STK32B: variants seen among roughly 807,000 people sequenced by gnomAD.
STK32B encodes serine/threonine kinase 32B.
In STK32B, 43 loss-of-function variants were observed where a neutral mutation model predicts 52.6. The ratio of observed to expected loss-of-function variants is 0.82; its 90% confidence interval spans 0.64 to 1.05. STK32B has a LOEUF of 1.05. STK32B is among the 50% of genes least tolerant of loss of function. The pLI, the probability that STK32B is intolerant of heterozygous loss-of-function variation, is 0.00. For missense variants in STK32B, 621 were observed against 534.6 expected (o/e 1.16, Z -1.59); for synonymous variants, 238 against 204.3 (o/e 1.17, Z -1.41).
chr4:5,462,380 G>A (rs1020962931), intron 9 of STK32B, among the ~76,000 whole-genome samples: 1 of 148,746 alleles, frequency 6.7e-6, no homozygotes, highest in Non-Finnish European at 1.5e-5. Flanking sequence ...GTGTGTGCCT[G>A]TGCATCTGTG....
At chr4:5,339,637 T>G (rs1379395184) in intron 4 of STK32B, among the ~76,000 whole-genome samples, 1 of 152,162 alleles carries the variant, frequency 6.6e-6, no homozygotes. Context: ...GTAGCCACAC[T>G]CGGAAGTGGA....
At chr4:5,049,150 C>T (rs1438932423), upstream of STK32B, among the ~76,000 whole-genome samples, 1 of 152,108 alleles carries the variant, frequency 6.6e-6, no homozygotes, top group Non-Finnish European at 1.5e-5. Context: ...ATTCCTTGCC[C>T]TTCCAGTCTC....
chr4:5,320,139 A>G (rs985070076), intron 3 of STK32B, among the ~76,000 whole-genome samples: 15 of 151,932 alleles, frequency 9.9e-5, no homozygotes, highest in Admixed American at 9.8e-4. Context: ...CTTTTTTGAT[A>G]GGTCCCTCCC....
chr4:5,284,345 A>T (rs1020671172), intron 3 of STK32B, among the ~76,000 whole-genome samples: 5 of 152,170 alleles, frequency 3.3e-5, no homozygotes, highest in African/African-American at 7.2e-5. Context: ...GTAAACTTTA[A>T]CTCTAAAAAC....
rs1742074372 is a variant in STK32B at position 5,058,046 on chromosome 4, A to G, written c.52+6131A>G. ...AAGATGGATGTCAACGTTGTTAGCAATCCTGGAGTCTTCTTCTTCTCAGTC... is the reference window on the plus strand; with the variant it reads ...AAGATGGATGTCAACGTTGTTAGCAGTCCTGGAGTCTTCTTCTTCTCAGTC... On this transcript the variant is annotated intron_variant, in intron 1 of 11. Coordinates refer to ENST00000282908, the MANE Select transcript of STK32B (RefSeq NM_018401.3). The surrounding 1 kb of genome is among the most constrained non-coding windows in gnomAD (Gnocchi z 4.8). Among the ~76,000 whole-genome samples the G allele has an allele frequency of 6.6e-6, 1 of 152,200 alleles. No individual in the cohort carries two copies. The highest frequency in any genetic ancestry group is 1.5e-5 in the Non-Finnish European group (1 of 68,032).
At chr4:5,287,852 A>G (rs905216630) in intron 3 of STK32B, among the ~76,000 whole-genome samples, 1 of 152,156 alleles carries the variant, frequency 6.6e-6, no homozygotes, top group South Asian at 2.1e-4. Flanking sequence ...TGCAATCATT[A>G]CCACTAACTT....
At chr4:5,211,567 A>G (rs1318364501) in intron 3 of STK32B, among the ~76,000 whole-genome samples, 2 of 152,152 alleles carry the variant, frequency 1.3e-5, no homozygotes, top group African/African-American at 2.4e-5. Context: ...CCAGGGAGGT[A>G]GGACTAGGGG....
At chr4:5,256,760 A>C (rs533881122) in intron 3 of STK32B, among the ~76,000 whole-genome samples, 2 of 152,222 alleles carry the variant, frequency 1.3e-5, no homozygotes, top group Non-Finnish European at 2.9e-5. Flanking sequence ...CTCTGGGCAC[A>C]AGATGGACTA....
intron 7 of STK32B, among the ~76,000 whole-genome samples, chr4:5,451,143 G>A (rs552482049): frequency 1.7e-4 from 26 of 152,334 alleles, no homozygotes; most frequent in African/African-American, 5.8e-4. Context: ...GCGGATTATT[G>A]TGCAAATAAG....
intron 4 of STK32B, among the ~76,000 whole-genome samples, chr4:5,337,884 G>A (rs1431782851): frequency 1.3e-5 from 2 of 152,156 alleles, no homozygotes; most frequent in Non-Finnish European, 2.9e-5. Context: ...ACTCTATTGA[G>A]AAACTGGGGA....
intron 3 of STK32B, among the ~76,000 whole-genome samples, chr4:5,322,374 A>G (rs1731564332): frequency 1.3e-5 from 2 of 152,164 alleles, no homozygotes; most frequent in Admixed American, 6.6e-5. Context: ...AGAGGTGAGC[A>G]TAGTGAGTGA....
At position 5,467,935 on chromosome 4, in the gene STK32B, G is replaced by C. The variant is rs2109168504; in HGVS notation, c.1042-71G>C. 7.7e-6 allele frequency: 12 copies of C among 1,564,812 alleles called. No homozygotes were observed. The highest frequency in any genetic ancestry group is 8.8e-6 in the Non-Finnish European group (10 of 1,136,730). ...TCCATCTAGGTCAGTCTGCCGTCCT[G>C]TGATGCTCCATTACCGCGCGTCCCC... On this transcript the variant is annotated intron_variant, in intron 10 of 11. Coordinates refer to ENST00000282908, the MANE Select transcript of STK32B (RefSeq NM_018401.3). The surrounding 1 kb of genome is among the most constrained non-coding windows in gnomAD (Gnocchi z 5.8).
At chr4:5,049,767 A>T (rs1741691299), upstream of STK32B, among the ~76,000 whole-genome samples, 1 of 151,936 alleles carries the variant, frequency 6.6e-6, no homozygotes, top group Admixed American at 6.6e-5. Context: ...TTGTTTTTTT[A>T]GTACAGATGG....
At chr4:5,164,488 G>A (rs1225497430) in intron 2 of STK32B, among the ~76,000 whole-genome samples, 2 of 152,220 alleles carry the variant, frequency 1.3e-5, no homozygotes, top group Non-Finnish European at 2.9e-5. Context: ...TAAGAGCACT[G>A]TCTTAGTCCG....
chr4:5,254,185 G>T (rs758251929), intron 3 of STK32B, among the ~76,000 whole-genome samples: 6 of 152,114 alleles, frequency 3.9e-5, no homozygotes, highest in Non-Finnish European at 8.8e-5. Flanking sequence ...ATTTATCTAT[G>T]TTTGCAAATT....
chr4:5,229,728 T>TA (rs1724124609), intron 3 of STK32B, among the ~76,000 whole-genome samples: 1 of 152,160 alleles, frequency 6.6e-6, no homozygotes, highest in Admixed American at 6.5e-5. Context: ...AAATTATATA[T>TA]AATTTTCTGG....
chr4:5,113,466 C>T (rs1367469250), intron 1 of STK32B, among the ~76,000 whole-genome samples: 1 of 152,126 alleles, frequency 6.6e-6, no homozygotes, highest in Non-Finnish European at 1.5e-5. Context: ...TCTGTGTGGA[C>T]ATGTAGTATG....
At chr4:5,379,985 C>G (rs190068155) in intron 4 of STK32B, among the ~76,000 whole-genome samples, 1 of 152,348 alleles carries the variant, frequency 6.6e-6, no homozygotes, top group East Asian at 1.9e-4. Flanking sequence ...GGCTATGGCA[C>G]TGTGACTCCC....
intron 3 of STK32B, among the ~76,000 whole-genome samples, chr4:5,318,630 A>T (rs1386266993): frequency 6.6e-6 from 1 of 152,052 alleles, no homozygotes; most frequent in Admixed American, 6.6e-5. Flanking sequence ...ATCACAGGGT[A>T]GGTACTTTCA....
Sources: allele counts gnomAD v4.1 joint callset (sites outside exome capture counted in the v4.1 genomes callset), GRCh38; gene constraint gnomAD v4.1.1; non-coding constraint Gnocchi (gnomAD v3.1); transcripts MANE v1.5; gene names NCBI Gene and HGNC (gene_info 2026-07-23, HGNC 2026-07-21).